The following SMOC1 variants were observed in gnomAD, a reference collection of about 807,000 sequenced individuals.
SMOC1 encodes the protein SPARC related modular calcium binding 1.
Under a neutral mutation model 56.3 loss-of-function variants are expected in SMOC1, and 22 were observed. The observed-to-expected ratio is 0.39, with a 90% confidence interval of 0.28 to 0.56. The LOEUF (loss-of-function observed/expected upper bound fraction) is 0.56, where lower values mean the gene tolerates loss of function less well. Among genes scored for constraint, SMOC1 ranks in the 20% least tolerant of loss-of-function variants. SMOC1 has a pLI of 0.61. For missense variants in SMOC1, 509 were observed against 565.4 expected (o/e 0.90, Z 1.01); for synonymous variants, 193 against 215.0 (o/e 0.90, Z 0.89).
chr14:69,942,810 A>G (rs1343810223), intron 1 of SMOC1, among the ~76,000 whole-genome samples: 1 of 152,208 alleles, frequency 6.6e-6, no homozygotes, highest in African/African-American at 2.4e-5. Flanking sequence ...GGGGCTGCAG[A>G]CAGACTCTGT....
intron 1 of SMOC1, chr14:69,885,639 C>T: frequency 6.8e-7 from 1 of 1,460,090 alleles, no homozygotes; most frequent in Non-Finnish European, 9.5e-7. Context: ...GGCAAGAAGA[C>T]AACCAGCTCG....
intron 10 of SMOC1, among the ~76,000 whole-genome samples, chr14:70,022,587 C>T (rs78369413): frequency 0.023 from 3,559 of 152,344 alleles, 62 homozygotes; most frequent in East Asian, 0.049. Flanking sequence ...GCTTTCTTCT[C>T]TCAATTCCCA....
chr14:69,981,204 G>A (rs1884166500), intron 5 of SMOC1, among the ~76,000 whole-genome samples: 1 of 151,780 alleles, frequency 6.6e-6, no homozygotes, highest in South Asian at 2.1e-4. Flanking sequence ...CCACAGGTGT[G>A]GGGCCCCAGG....
chr14:69,956,598 T>TG (rs1883196695), intron 3 of SMOC1, among the ~76,000 whole-genome samples: 1 of 152,068 alleles, frequency 6.6e-6, no homozygotes, highest in African/African-American at 2.4e-5. Flanking sequence ...TTGAAGTTTA[T>TG]GGGGGGAGTG....
chr14:69,905,059 C>T (rs550963445), intron 1 of SMOC1, among the ~76,000 whole-genome samples: 15 of 152,096 alleles, frequency 9.9e-5, no homozygotes, highest in Non-Finnish European at 1.9e-4. Context: ...CAAATACAGA[C>T]TCATATCGTG....
At chr14:69,894,590 C>A (rs1265965390) in intron 1 of SMOC1, among the ~76,000 whole-genome samples, 1 of 152,140 alleles carries the variant, frequency 6.6e-6, no homozygotes. Flanking sequence ...GCTGGAGCAA[C>A]AACCACAGGA....
At chr14:69,910,064 C>T (rs1454207410) in intron 1 of SMOC1, among the ~76,000 whole-genome samples, 6 of 152,152 alleles carry the variant, frequency 3.9e-5, no homozygotes, top group Admixed American at 3.9e-4. Flanking sequence ...CTTATGTTTT[C>T]AGGTTTATGT....
chr14:69,964,694 A>C (rs868169734), intron 3 of SMOC1, among the ~76,000 whole-genome samples: 5 of 152,056 alleles, frequency 3.3e-5, no homozygotes, highest in Non-Finnish European at 2.9e-5. Context: ...ATCATCAACA[A>C]CACCACCACT....
chr14:69,955,258 C>G (rs1344672822), intron 3 of SMOC1, among the ~76,000 whole-genome samples: 9 of 152,062 alleles, frequency 5.9e-5, no homozygotes, highest in Admixed American at 5.9e-4. Context: ...AAAGGAGGCT[C>G]TGAGGTGTGT....
intron 6 of SMOC1, among the ~76,000 whole-genome samples, chr14:69,992,842 C>G (rs955430170): frequency 6.6e-6 from 1 of 152,120 alleles, no homozygotes; most frequent in African/African-American, 2.4e-5. Flanking sequence ...AGTGTCCACT[C>G]TGTGCCTGGC....
chr14:70,029,847 T>C (rs774236459), intron 11 of SMOC1, among the ~76,000 whole-genome samples: 13 of 152,230 alleles, frequency 8.5e-5, no homozygotes, highest in Admixed American at 1.3e-4. Context: ...AATGGGATTC[T>C]GCCATCCCCA....
intron 1 of SMOC1, chr14:69,885,316 T>C (rs1883768654): frequency 1.6e-6 from 2 of 1,231,412 alleles, no homozygotes; most frequent in Non-Finnish European, 2.3e-6. Context: ...TATTTTTATG[T>C]ACAGAAAACT....
At chr14:70,000,955 A>C (rs1483996574) in intron 7 of SMOC1, among the ~76,000 whole-genome samples, 1 of 152,168 alleles carries the variant, frequency 6.6e-6, no homozygotes, top group African/African-American at 2.4e-5. Flanking sequence ...TGTGCTGAAG[A>C]TGGGATCTCC....
intron 1 of SMOC1, among the ~76,000 whole-genome samples, chr14:69,893,518 G>A (rs183284790): frequency 2.8e-4 from 43 of 152,274 alleles, no homozygotes; most frequent in Admixed American, 1.8e-3. Context: ...AACCACCTTG[G>A]TTTCTGGTTG....
intron 11 of SMOC1, among the ~76,000 whole-genome samples, chr14:70,029,776 A>T (rs1291859692): frequency 6.6e-6 from 1 of 152,088 alleles, no homozygotes; most frequent in Non-Finnish European, 1.5e-5. Flanking sequence ...TGGCCAGGTG[A>T]CTTAAGCTCC....
At chr14:69,983,155 C>T (rs1012893073) in intron 5 of SMOC1, among the ~76,000 whole-genome samples, 1 of 152,196 alleles carries the variant, frequency 6.6e-6, no homozygotes, top group African/African-American at 2.4e-5. Flanking sequence ...AAAGTTTATG[C>T]ATGAACAGCA....
intron 1 of SMOC1, among the ~76,000 whole-genome samples, chr14:69,932,114 A>G (rs894386009): frequency 2.6e-5 from 4 of 152,252 alleles, no homozygotes; most frequent in African/African-American, 7.2e-5. Context: ...GGTGGGTTGT[A>G]TGGTGAAGGC....
chr14:69,935,224 G>T (rs76601010), intron 1 of SMOC1, among the ~76,000 whole-genome samples: 4,179 of 152,270 alleles, frequency 0.027, 64 homozygotes, highest in African/African-American at 0.033. Flanking sequence ...CTGGCATGGG[G>T]AATCTGTTTA....
intron 11 of SMOC1, among the ~76,000 whole-genome samples, chr14:70,027,400 AG>A (rs1478108386): frequency 6.6e-6 from 1 of 151,548 alleles, no homozygotes. Flanking sequence ...TCTGGGGAAG[AG>A]GGGGAGCAGA....
Sources: allele counts gnomAD v4.1 joint callset (sites outside exome capture counted in the v4.1 genomes callset), GRCh38; gene constraint gnomAD v4.1.1; transcripts MANE v1.5; gene names NCBI Gene and HGNC (gene_info 2026-07-23, HGNC 2026-07-21).